Variants in ZNF516 observed in about 807,000 individuals in gnomAD.
ZNF516 encodes the protein zinc finger protein 516.
ZNF516 carries 19 observed loss-of-function variants against 79.7 expected under a neutral mutation model. The ratio of observed to expected loss-of-function variants is 0.24; its 90% CI spans 0.17 to 0.35. The LOEUF (loss-of-function observed/expected upper bound fraction) is 0.35, where lower values mean the gene tolerates loss of function less well. Among genes scored for constraint, ZNF516 ranks in the 10% least tolerant of loss-of-function variants. The pLI is 1.00. For synonymous variants in ZNF516, 877 were observed against 739.5 expected (o/e 1.19, Z -3.02); for missense variants, 1,678 against 1,679.5 (o/e 1.00, Z 0.02).
intron 3 of ZNF516, among the ~76,000 whole-genome samples, chr18:76,433,174 A>G (rs1486227881): frequency 6.6e-6 from 1 of 152,246 alleles, no homozygotes; most frequent in Non-Finnish European, 1.5e-5. Flanking sequence ...GTTATCAGAC[A>G]GGAAGATCTC....
At position 76,392,080 on chromosome 18, in the gene ZNF516, G is replaced by A. The variant is rs530517913; in HGVS notation, c.1811-11777C>T. Among the ~76,000 whole-genome samples, 80 of 152,338 alleles carry A rather than the reference G, an allele frequency of 5.3e-4. No homozygotes were observed. In the East Asian group the frequency reaches 5.4e-3, roughly 10 times the overall value. On this transcript the variant is annotated intron_variant, in intron 3 of 6. Transcript: ENST00000443185. ...GAGCCTCATTTCCGCCACCAGCGACGCCAGTCAAACCAGGAAGCCAGCGCA... is the reference window on the plus strand; with the variant it reads ...GAGCCTCATTTCCGCCACCAGCGACACCAGTCAAACCAGGAAGCCAGCGCA...
At chr18:76,478,945 A>G (rs1453536696) in intron 1 of ZNF516, among the ~76,000 whole-genome samples, 1 of 152,028 alleles carries the variant, frequency 6.6e-6, no homozygotes, top group East Asian at 1.9e-4. Flanking sequence ...AATCCCAGCT[A>G]CTCGGGAGAC....
At chr18:76,432,445 C>A (rs1384171676) in intron 3 of ZNF516, among the ~76,000 whole-genome samples, 1 of 152,262 alleles carries the variant, frequency 6.6e-6, no homozygotes, top group East Asian at 1.9e-4. Flanking sequence ...TGCAAAGGGC[C>A]AGCACCGTCA....
At chr18:76,414,128 T>C (rs1018318709) in intron 3 of ZNF516, among the ~76,000 whole-genome samples, 1 of 152,234 alleles carries the variant, frequency 6.6e-6, no homozygotes, top group Admixed American at 6.5e-5. Flanking sequence ...TGTACATATA[T>C]AGATTCCTAT....
At chr18:76,450,410 A>T (rs1229649466) in intron 2 of ZNF516, among the ~76,000 whole-genome samples, 1 of 143,010 alleles carries the variant, frequency 7.0e-6, no homozygotes, top group African/African-American at 2.6e-5. Flanking sequence ...CAGGTTGGGA[A>T]ACTACCTTTA....
chr18:76,490,127 T>C (rs1228849754), intron 1 of ZNF516: 5 of 982,934 alleles, frequency 5.1e-6, no homozygotes, highest in African/African-American at 1.7e-5. Context: ...ACCAAAATAT[T>C]TGTGAGTCTT....
At chr18:76,373,680 G>A (rs1029097702) in intron 4 of ZNF516, among the ~76,000 whole-genome samples, 2 of 152,208 alleles carry the variant, frequency 1.3e-5, no homozygotes, top group Non-Finnish European at 2.9e-5. Flanking sequence ...ACTCATCCGT[G>A]CTTATTTCCT....
intron 1 of ZNF516, among the ~76,000 whole-genome samples, chr18:76,476,163 C>T (rs1311453138): frequency 1.3e-5 from 2 of 152,182 alleles, no homozygotes; most frequent in African/African-American, 2.4e-5. Flanking sequence ...TTGGCTCTAA[C>T]TAAATTACCC....
intron 3 of ZNF516, among the ~76,000 whole-genome samples, chr18:76,392,602 A>AAGGTGGAT (rs2075092665): frequency 7.9e-6 from 1 of 126,226 alleles, no homozygotes; most frequent in Non-Finnish European, 1.6e-5. Flanking sequence ...GGGTGGGGGA[A>AAGGTGGAT]GGGCAGGTGG....
At chr18:76,479,559 C>CT (rs1171315565) in intron 1 of ZNF516, among the ~76,000 whole-genome samples, 1 of 152,210 alleles carries the variant, frequency 6.6e-6, no homozygotes, top group Admixed American at 6.5e-5. Flanking sequence ...GACGCACAGG[C>CT]GTTCGTAACG....
At position 76,368,302 on chromosome 18, in the gene ZNF516, G is replaced by A. The variant is rs1007445968; in HGVS notation, c.3432+2226C>T. Among the ~76,000 whole-genome samples, 22 of 151,900 alleles carry A rather than the reference G, an allele frequency of 1.4e-4. 1 individual carries two copies. Among genetic ancestry groups the A allele is most frequent in the Middle Eastern group, 3.2e-3 (1 of 316 alleles). On this transcript the variant is annotated intron_variant, in intron 6 of 6. Coordinates refer to ENST00000443185, the MANE Select transcript of ZNF516 (RefSeq NM_014643.4). ...AGGAATGCTTATAGTTCCAAAGTAC[G>A]TTAAGGAAAATGGAATTTCCTTAGA...
chr18:76,492,124 C>T (rs1360127154), intron 1 of ZNF516: 3 of 980,482 alleles, frequency 3.1e-6, no homozygotes, highest in South Asian at 4.7e-5. Flanking sequence ...AGGTAGTGGG[C>T]ACGTGGGTCC....
intron 3 of ZNF516, among the ~76,000 whole-genome samples, chr18:76,414,072 AC>A (rs1389487685): frequency 6.6e-6 from 1 of 152,200 alleles, no homozygotes; most frequent in Non-Finnish European, 1.5e-5. Context: ...TTACTCAAAA[AC>A]TTCACTTTAA....
At position 76,426,449 on chromosome 18, in the gene ZNF516, T is replaced by C. The variant is rs149798217; in HGVS notation, c.1810+14796A>G. On this transcript the variant is annotated intron_variant, in intron 3 of 6. Transcript: ENST00000443185. ...AGCTCAAATACGGCATGTCCAGTTA[T>C]CTAAAATACAGATTTTCAGATAAAT... Among the ~76,000 whole-genome samples, 500 of 152,324 alleles carry C rather than the reference T, an allele frequency of 3.3e-3. 6 individuals are homozygous for C. The highest frequency in any genetic ancestry group is 0.011 in the African/African-American group (476 of 41,560).
chr18:76,406,316 A>G (rs1175511581), intron 3 of ZNF516, among the ~76,000 whole-genome samples: 1 of 152,236 alleles, frequency 6.6e-6, no homozygotes, highest in Non-Finnish European at 1.5e-5. Context: ...CTGTAATCTC[A>G]GAACTCTGGG....
chr18:76,412,674 G>C (rs959683558), intron 3 of ZNF516, among the ~76,000 whole-genome samples: 2 of 152,218 alleles, frequency 1.3e-5, no homozygotes, highest in African/African-American at 4.8e-5. Flanking sequence ...AGGAAGTCAA[G>C]TCGTTGCCAA....
At chr18:76,367,747 G>A (rs1599129985) in intron 6 of ZNF516, among the ~76,000 whole-genome samples, 1 of 152,206 alleles carries the variant, frequency 6.6e-6, no homozygotes, top group Non-Finnish European at 1.5e-5. Context: ...CAGAGAAGCA[G>A]GAAAAATGGT....
intron 3 of ZNF516, among the ~76,000 whole-genome samples, chr18:76,424,770 G>A (rs1483346040): frequency 2.3e-5 from 3 of 131,356 alleles, no homozygotes; most frequent in Non-Finnish European, 1.6e-5. Context: ...ACACACGCAG[G>A]TGAAAAGGTT....
chr18:76,380,613 AT>A (rs1465364515), intron 3 of ZNF516, among the ~76,000 whole-genome samples: 1 of 152,220 alleles, frequency 6.6e-6, no homozygotes, highest in Non-Finnish European at 1.5e-5. Context: ...TGACTGGTAT[AT>A]TAAAACTTGG....
Sources: allele counts gnomAD v4.1 joint callset (sites outside exome capture counted in the v4.1 genomes callset), GRCh38; gene constraint gnomAD v4.1.1; transcripts MANE v1.5; gene names NCBI Gene and HGNC (gene_info 2026-07-23, HGNC 2026-07-21).